DLG2: variants seen among roughly 807,000 people sequenced by gnomAD.
DLG2 encodes disks large homolog 2.
In DLG2, 45 loss-of-function variants were observed where a neutral mutation model predicts 132.5. The ratio of observed to expected loss-of-function variants is 0.34; its 90% confidence interval spans 0.27 to 0.44. The LOEUF is 0.44. Ranked by LOEUF, DLG2 falls within the 20% of genes least tolerant of loss-of-function variation. The probability of loss-of-function intolerance (pLI) is 1.00; values close to 1 mark genes in which losing one functional copy is unlikely to be tolerated. For missense variants in DLG2, 1,045 were observed against 1,196.9 expected, an observed-to-expected ratio of 0.87 and a Z score of 1.87; for synonymous variants, 424 against 419.6, an observed-to-expected ratio of 1.01 and a Z score of -0.13.
intron 7 of DLG2, among the ~76,000 whole-genome samples, chr11:84,519,918 G>C (rs2154516356): frequency 6.6e-6 from 1 of 152,200 alleles, no homozygotes; most frequent in Middle Eastern, 3.4e-3. Flanking sequence ...TGTGGGTATA[G>C]TTTTGTGGGT....
At chr11:83,957,216 G>T (rs2449591) in intron 14 of DLG2, among the ~76,000 whole-genome samples, 150,818 of 152,386 alleles carry the variant, frequency 0.99, 74,638 homozygotes, top group East Asian at 1. Flanking sequence ...CAAACAGTGG[G>T]CTGGCTTCTA....
intron 7 of DLG2, among the ~76,000 whole-genome samples, chr11:84,342,269 T>A (rs2098518512): frequency 6.6e-6 from 1 of 152,138 alleles, no homozygotes. Flanking sequence ...CACCCACTTG[T>A]TTCTCCAATT....
intron 6 of DLG2, among the ~76,000 whole-genome samples, chr11:84,790,254 G>T (rs1050941905): frequency 6.6e-6 from 1 of 151,918 alleles, no homozygotes; most frequent in Admixed American, 6.6e-5. Context: ...ATTTGTTATT[G>T]CCTGCCTTTT....
At chr11:83,800,562 C>T (rs1298904996) in intron 17 of DLG2, among the ~76,000 whole-genome samples, 1 of 152,102 alleles carries the variant, frequency 6.6e-6, no homozygotes, top group African/African-American at 2.4e-5. Context: ...CCTTCTGGAG[C>T]AGAGGCAAAG....
At chr11:83,798,063 C>T (rs1424367549) in intron 17 of DLG2, among the ~76,000 whole-genome samples, 1 of 152,112 alleles carries the variant, frequency 6.6e-6, no homozygotes, top group East Asian at 1.9e-4. Context: ...TTGGATGGAC[C>T]CCCTTGGAGA....
intron 3 of DLG2, among the ~76,000 whole-genome samples, chr11:85,472,225 C>T (rs903029106): frequency 1.3e-5 from 2 of 152,216 alleles, no homozygotes; most frequent in Admixed American, 1.3e-4. Context: ...AAACCTCAGA[C>T]TCAGCCACAT....
chr11:83,571,693 T>G (rs925284505), intron 19 of DLG2, among the ~76,000 whole-genome samples: 2 of 152,072 alleles, frequency 1.3e-5, no homozygotes, highest in Admixed American at 1.3e-4. Context: ...ATATTACTGA[T>G]GAGCGGACTG....
At chr11:83,846,885 C>T (rs2058704338) in intron 16 of DLG2, among the ~76,000 whole-genome samples, 1 of 144,662 alleles carries the variant, frequency 6.9e-6, no homozygotes, top group African/African-American at 2.6e-5. Context: ...TTTTATGTTG[C>T]TCCACATACG....
chr11:84,577,409 G>A (rs1235173816), intron 6 of DLG2, among the ~76,000 whole-genome samples: 4 of 152,180 alleles, frequency 2.6e-5, no homozygotes, highest in African/African-American at 4.8e-5. Flanking sequence ...TTGTTGACTG[G>A]CTTTGCCCAA....
intron 6 of DLG2, among the ~76,000 whole-genome samples, chr11:84,974,789 G>T (rs937206484): frequency 2.0e-5 from 3 of 152,322 alleles, no homozygotes; most frequent in Admixed American, 6.5e-5. Flanking sequence ...CCAGGAATTT[G>T]TATTTTAGCA....
intron 6 of DLG2, among the ~76,000 whole-genome samples, chr11:84,770,954 T>A (rs369845401): frequency 6.6e-5 from 10 of 152,184 alleles, no homozygotes; most frequent in African/African-American, 2.4e-4. Flanking sequence ...GCTCAGCCGA[T>A]TTCATTCTTT....
chr11:84,234,097 C>T (rs1366336868), intron 8 of DLG2, among the ~76,000 whole-genome samples: 1 of 152,132 alleles, frequency 6.6e-6, no homozygotes, highest in Non-Finnish European at 1.5e-5. Flanking sequence ...AGCACCTGCT[C>T]CCCTCCCAAC....
rs751041092 is a variant in DLG2 at position 85,154,615 on chromosome 11, A to T, written c.223T>A (p.Cys75Ser). 2.0e-6 allele frequency: 3 copies of T among 1,537,626 alleles called. No individual in the cohort carries two copies. Among genetic ancestry groups the T allele is most frequent in the South Asian group, 2.4e-5 (2 of 82,960 alleles). ...DCSGSKENASCIEQNKENQSF... is the reference protein window; with the variant it reads ...DCSGSKENASSIEQNKENQSF... ...TGATTTTCTTTATTTTGCTCAATAC[A>T]TGAAGCATTTTCCTTTGATCCACTG... is the stretch of plus-strand genomic sequence containing the variant. Residue 75 changes from cysteine (C) to serine (S), a missense_variant, in exon 5 of 28, where the codon TGT becomes AGT. Around this residue, in one of 4 missense-constraint regions of DLG2, gnomAD observed 277 missense variants for 238.2 expected, o/e 1.16. Coordinates refer to ENST00000376104, the MANE Select transcript of DLG2 (RefSeq NM_001142699.3).
At chr11:85,195,070 G>T (rs1173281595) in intron 4 of DLG2, among the ~76,000 whole-genome samples, 1 of 152,174 alleles carries the variant, frequency 6.6e-6, no homozygotes, top group Non-Finnish European at 1.5e-5. Context: ...AAGCTCTGAA[G>T]CCCAGGAAGA....
intron 6 of DLG2, among the ~76,000 whole-genome samples, chr11:84,989,831 G>A (rs1267529506): frequency 6.6e-6 from 1 of 152,118 alleles, no homozygotes; most frequent in East Asian, 1.9e-4. Context: ...ACATGAATAA[G>A]TATAATTGAT....
chr11:85,253,202 T>C (rs1404087036), intron 4 of DLG2, among the ~76,000 whole-genome samples: 3 of 152,186 alleles, frequency 2.0e-5, no homozygotes, highest in Admixed American at 2.0e-4. Flanking sequence ...TGCATAGATG[T>C]GGAAGTAAAA....
intron 6 of DLG2, among the ~76,000 whole-genome samples, chr11:84,802,263 G>C (rs1472965855): frequency 2.0e-5 from 3 of 152,074 alleles, no homozygotes; most frequent in Non-Finnish European, 4.4e-5. Flanking sequence ...TTATGGATAG[G>C]AAATAGGAAT....
At chr11:84,640,128 A>T in intron 6 of DLG2, 2 of 309,608 alleles carry the variant, frequency 6.5e-6, no homozygotes, top group Non-Finnish European at 1.2e-5. Context: ...TGTAGAACTC[A>T]GTCTCCTTGG....
chr11:84,465,601 G>T (rs2099092168), intron 7 of DLG2, among the ~76,000 whole-genome samples: 1 of 151,070 alleles, frequency 6.6e-6, no homozygotes, highest in African/African-American at 2.4e-5. Context: ...TCTATAAAGG[G>T]TTATTCAAGA....
Sources: gnomAD v4.1 joint callset for allele counts (sites outside exome capture counted in the v4.1 genomes callset) on GRCh38, gnomAD v4.1.1 for gene constraint, gnomAD v4.1.1 regional missense constraint, MANE v1.5 for transcripts, NCBI Gene and HGNC (gene_info 2026-07-23, HGNC 2026-07-21) for gene names.